The following MORC1 variants were observed in gnomAD, a reference collection of about 807,000 sequenced individuals.
MORC1 encodes MORC family CW-type zinc finger 1.
A neutral mutation model predicts 134.9 loss-of-function variants in MORC1; 59 were observed. The ratio of observed to expected loss-of-function variants is 0.44; its 90% CI spans 0.35 to 0.54. MORC1 has a LOEUF of 0.54. Among genes scored for constraint, MORC1 ranks in the 20% least tolerant of loss-of-function variants. MORC1 has a pLI of 0.00. For synonymous variants in MORC1, 395 were observed against 391.7 expected, an observed-to-expected ratio of 1.01 and a Z score of -0.10; for missense variants, 947 against 1,134.5, an observed-to-expected ratio of 0.83 and a Z score of 2.37.
chr3:109,117,219 G>C (rs554111322), intron 1 of MORC1, among the ~76,000 whole-genome samples: 1 of 151,520 alleles, frequency 6.6e-6, no homozygotes, highest in East Asian at 1.9e-4. Context: ...GTCCCACAGA[G>C]CAAGGGTGGC....
At chr3:109,091,451 AAAT>A (rs1950723916) in intron 8 of MORC1, among the ~76,000 whole-genome samples, 3 of 127,164 alleles carry the variant, frequency 2.4e-5, no homozygotes, top group African/African-American at 9.0e-5. Flanking sequence ...CTAAAAAAAT[AAAT>A]AAATAAATAA....
intron 17 of MORC1, among the ~76,000 whole-genome samples, chr3:109,027,179 T>C (rs1410650012): frequency 2.0e-5 from 3 of 152,226 alleles, no homozygotes; most frequent in African/African-American, 4.8e-5. Flanking sequence ...CTATAGAGGT[T>C]TAATTATTAG....
chr3:108,985,977 T>A (rs1187685362), intron 22 of MORC1, among the ~76,000 whole-genome samples: 2 of 152,054 alleles, frequency 1.3e-5, no homozygotes, highest in Non-Finnish European at 2.9e-5. Context: ...AACATAAAGT[T>A]GTGAATGAAT....
chr3:109,050,977 G>C (rs1430439268), intron 14 of MORC1, among the ~76,000 whole-genome samples: 1 of 152,044 alleles, frequency 6.6e-6, no homozygotes, highest in Non-Finnish European at 1.5e-5. Context: ...TTTCATAATT[G>C]CTCCTGTTCA....
At chr3:109,016,783 A>G (rs775021300) in intron 17 of MORC1, among the ~76,000 whole-genome samples, 14 of 152,236 alleles carry the variant, frequency 9.2e-5, no homozygotes, top group Non-Finnish European at 1.8e-4. Context: ...AGAATCGCTT[A>G]AATCCTGGGA....
At chr3:109,040,432 GAAAGAAAGAAAGAAAGAAA>G (rs1949497551) in intron 14 of MORC1, among the ~76,000 whole-genome samples, 3 of 90,832 alleles carry the variant, frequency 3.3e-5, no homozygotes, top group African/African-American at 9.2e-5. Context: ...AGGAAGGAAA[GAAAGAAAGAAAGAAAGAAA>G]GAAAGAAAGA....
intron 8 of MORC1, among the ~76,000 whole-genome samples, chr3:109,083,312 G>GAA (rs34334582): frequency 0.83 from 121,606 of 146,864 alleles, 50,530 homozygotes; most frequent in East Asian, 0.91. Context: ...CTAAGGTAAA[G>GAA]AAAAAAAAAA....
chr3:108,969,653 C>G lies in MORC1; in HGVS notation c.2604+16G>C, dbSNP rs761137108. On this transcript the variant is annotated intron_variant, in intron 26 of 27. Coordinates refer to ENST00000232603, the MANE Select transcript of MORC1 (RefSeq NM_014429.4). ...ATCATTTAGAATATAAATGGTGATA[C>G]TGAAAGGAAGCTTACCTGGTTGAAA... The G allele has an allele frequency of 3.1e-6, 5 of 1,607,292 alleles. No homozygotes were observed. The highest frequency in any genetic ancestry group is 4.3e-6 in the Non-Finnish European group (5 of 1,173,964).
intron 14 of MORC1, among the ~76,000 whole-genome samples, chr3:109,054,093 C>A (rs1949894487): frequency 6.6e-6 from 1 of 151,862 alleles, no homozygotes; most frequent in Non-Finnish European, 1.5e-5. Flanking sequence ...ACCAGCCTGG[C>A]CAAGATGGTA....
At position 109,054,739 on chromosome 3, in the gene MORC1, T is replaced by C. The variant is rs761673788; in HGVS notation, c.1319A>G (p.Asp440Gly). 1 of 1,544,416 alleles carries C rather than the reference T, an allele frequency of 6.5e-7. No homozygotes were observed. Among genetic ancestry groups the C allele is most frequent in the East Asian group, 2.4e-5 (1 of 42,028 alleles). The change falls in exon 14 of 28, where the codon GAC (aspartate) becomes GGC (glycine). Residue 440 changes from aspartate (D) to glycine (G), a missense_variant. Asp to Gly is a moderately conservative substitution (Grantham distance 94, BLOSUM62 -1). This residue lies in a region of MORC1 where 722 missense variants were observed against 817.0 expected (regional missense o/e 0.88). Transcript: ENST00000232603. ...MGQYLVQYCK[D>G]TGINNRNLTL... is the part of the protein sequence containing the mutation. ...TATTGAATACTCACTGATGCCGGTGTCCTTACAGTACTGGACCAAGTACTG... is the reference window on the plus strand; with the variant it reads ...TATTGAATACTCACTGATGCCGGTGCCCTTACAGTACTGGACCAAGTACTG...
At chr3:108,995,064 A>G (rs1043410923) in intron 21 of MORC1, among the ~76,000 whole-genome samples, 4 of 152,154 alleles carry the variant, frequency 2.6e-5, no homozygotes, top group African/African-American at 9.7e-5. Context: ...ATCACTTTTG[A>G]GGGGCATGGA....
Position 109,054,831 on chromosome 3 carries a change from T to C in MORC1, c.1227A>G (p.Glu409=), listed in dbSNP as rs565708088. The change falls in exon 14 of 28, where the codon GAA becomes GAG. Residue 409 remains glutamate, a synonymous_variant. Transcript: ENST00000232603. The part of the protein sequence containing the change: ...GIVNIPLEVM[E]PSHNKQEFLN... ...GAAATTCCTGTTTATTATGGGATGG[T>C]TCCATGACCTCCAAGGGTATATTAA... 10 of 1,607,838 alleles carry C rather than the reference T, an allele frequency of 6.2e-6. No individual in the cohort carries two copies. The Admixed American group carries it at 1.6e-4, about 25-fold the overall frequency.
chr3:109,049,199 A>G, intron 14 of MORC1: 1 of 975,310 alleles, frequency 1.0e-6, no homozygotes, highest in Non-Finnish European at 1.2e-6. Flanking sequence ...TAGAGACTAA[A>G]TTGCATCATA....
intron 8 of MORC1, among the ~76,000 whole-genome samples, chr3:109,071,244 A>G (rs1950308844): frequency 6.6e-6 from 1 of 152,178 alleles, no homozygotes; most frequent in African/African-American, 2.4e-5. Context: ...TTGAAGGTAA[A>G]AAAGTCAAAA....
rs1399645832 is a variant in MORC1, at chr3:109,027,640, G to GA, written c.1704+110dup. On this transcript the variant is annotated intron_variant, in intron 17 of 27. Coordinates refer to ENST00000232603, the MANE Select transcript of MORC1 (RefSeq NM_014429.4). ...AATTAAAAGATGTCAAAAAGGACAGGAAAAAGATTATACACATTTTATTGT... is the reference window on the plus strand; with the variant it reads ...AATTAAAAGATGTCAAAAAGGACAGGAAAAAAGATTATACACATTTTATTGT... 6.9e-5 allele frequency: 97 copies of GA among 1,409,950 alleles called. No individual in the cohort carries two copies. The East Asian group carries it at 2.2e-3, about 32-fold the overall frequency. The allele number at this position is 1,409,950 out of a possible 1,614,324, so 87.3% of individuals were successfully genotyped here.
chr3:108,969,523 T>C, intron 26 of MORC1, 146 bp downstream of exon 26: 1 of 728,810 alleles, frequency 1.4e-6, no homozygotes, highest in Non-Finnish European at 2.3e-6. Flanking sequence ...TTATGACACC[T>C]GATAAGCTAT....
rs528761506 is a variant in MORC1 at position 108,963,451 on chromosome 3, C to T, written c.2762G>A (p.Arg921His). 2.5e-5 allele frequency: 41 copies of T among 1,610,250 alleles called. No individual in the cohort carries two copies. The highest frequency in any genetic ancestry group is 5.1e-5 in the Admixed American group (3 of 59,248). ...KISEDKLKNL[R>H]IKLALLLQKL... ...CTGCAACAATAGTGCCAGTTTTATACGAAGATTCTTCAGCTTATCCTCAGA... is the reference window on the plus strand; with the variant it reads ...CTGCAACAATAGTGCCAGTTTTATATGAAGATTCTTCAGCTTATCCTCAGA... The change falls in exon 27 of 28, where the codon CGT becomes CAT. Residue 921 changes from arginine (R) to histidine (H), a missense_variant. Arg to His is a conservative substitution (Grantham distance 29). Around this residue, in one of 3 missense-constraint regions of MORC1, gnomAD observed 722 missense variants for 817.0 expected, o/e 0.88. Coordinates refer to ENST00000232603, the MANE Select transcript of MORC1 (RefSeq NM_014429.4).
At chr3:109,051,564 C>T (rs1949831373) in intron 14 of MORC1, among the ~76,000 whole-genome samples, 1 of 152,120 alleles carries the variant, frequency 6.6e-6, no homozygotes, top group Admixed American at 6.6e-5. Flanking sequence ...CACATGCCTG[C>T]TATCCTTCCT....
intron 16 of MORC1, 101 bp from the exon 17 acceptor site, chr3:109,027,990 C>T: frequency 8.0e-7 from 1 of 1,242,630 alleles, no homozygotes; most frequent in Non-Finnish European, 1.1e-6. Flanking sequence ...CTCTTTATGT[C>T]ATATATCCAA....
Sources: allele counts gnomAD v4.1 joint callset (sites outside exome capture counted in the v4.1 genomes callset), GRCh38; gene constraint gnomAD v4.1.1; regional missense constraint gnomAD v4.1.1; transcripts MANE v1.5; gene names NCBI Gene and HGNC (gene_info 2026-07-23, HGNC 2026-07-21).